TTBK2: variants seen among roughly 807,000 people sequenced by gnomAD.
The protein encoded by TTBK2 is tau-tubulin kinase 2.
TTBK2 carries 28 observed loss-of-function variants against 110.8 expected under a neutral mutation model. The observed-to-expected ratio is 0.25, with a 90% CI of 0.19 to 0.35. TTBK2 has a LOEUF of 0.35. Among genes scored for constraint, TTBK2 ranks in the 10% least tolerant of loss-of-function variants. The probability of loss-of-function intolerance (pLI) is 1.00; values close to 1 mark genes in which losing one functional copy is unlikely to be tolerated. For missense variants in TTBK2, 1,369 were observed against 1,500.3 expected (o/e 0.91, Z 1.45); for synonymous variants, 532 against 527.3 (o/e 1.01, Z -0.12).
intron 9 of TTBK2, chr15:42,802,055 C>T (rs763815925): frequency 2.0e-6 from 3 of 1,467,280 alleles, no homozygotes; most frequent in Admixed American, 3.3e-5. Context: ...CACTTGGTCT[C>T]AAGCATCTTG....
At chr15:42,909,546 C>T (rs1337723537) in intron 1 of TTBK2, among the ~76,000 whole-genome samples, 2 of 152,108 alleles carry the variant, frequency 1.3e-5, no homozygotes, top group Non-Finnish European at 2.9e-5. Context: ...TCTTCTGCCA[C>T]ATAAGTTAAC....
At chr15:42,909,012 A>G (rs1423481865) in intron 1 of TTBK2, among the ~76,000 whole-genome samples, 4 of 152,226 alleles carry the variant, frequency 2.6e-5, no homozygotes, top group African/African-American at 9.6e-5. Context: ...TAATAGCTCT[A>G]GAGGTCAGAA....
At chr15:42,747,995 AT>A (rs1397512112) in intron 14 of TTBK2, among the ~76,000 whole-genome samples, 1 of 152,256 alleles carries the variant, frequency 6.6e-6, no homozygotes, top group Non-Finnish European at 1.5e-5. Context: ...TTTAAAAAAT[AT>A]TAGGGTTGAA....
chr15:42,822,707 T>C (rs1724359992), intron 6 of TTBK2, among the ~76,000 whole-genome samples: 1 of 152,196 alleles, frequency 6.6e-6, no homozygotes, highest in African/African-American at 2.4e-5. Context: ...ATTCATAAAA[T>C]ATTTTTAAGC....
chr15:42,810,494 A>T (rs1274806939), intron 9 of TTBK2, 120 bp downstream of exon 9: 2 of 1,249,574 alleles, frequency 1.6e-6, no homozygotes, highest in Admixed American at 3.6e-5. Context: ...AGGATGTATT[A>T]AAACAGTCGT....
intron 13 of TTBK2, among the ~76,000 whole-genome samples, chr15:42,763,163 T>TATATATATATATAC (rs1889139896): frequency 2.5e-4 from 3 of 11,806 alleles, no homozygotes; most frequent in Non-Finnish European, 4.7e-4. Context: ...TATACATATA[T>TATATATATATATAC]ATATATATAT....
intron 1 of TTBK2, among the ~76,000 whole-genome samples, chr15:42,900,998 C>T (rs1008532078): frequency 6.6e-6 from 1 of 152,030 alleles, no homozygotes; most frequent in African/African-American, 2.4e-5. Context: ...GGACTCCTAC[C>T]TCATACCATA....
In TTBK2 at chr15:42,851,644, G is replaced by A. The variant is rs908938588; in HGVS notation, c.218-11211C>T. ...TATATACATACATATATAAACATAT[G>A]GATGATTATATATTATTTTAGATAT... On this transcript the variant is annotated intron_variant, in intron 3 of 14. Coordinates refer to ENST00000267890, the MANE Select transcript of TTBK2 (RefSeq NM_173500.4). Among the ~76,000 whole-genome samples, 5 of 151,874 alleles carry A rather than the reference G, an allele frequency of 3.3e-5. No individual in the cohort carries two copies. The South Asian group carries it at 1.0e-3, about 32-fold the overall frequency.
At chr15:42,792,268 A>G (rs1890721249) in intron 10 of TTBK2, among the ~76,000 whole-genome samples, 1 of 152,238 alleles carries the variant, frequency 6.6e-6, no homozygotes, top group Admixed American at 6.5e-5. Context: ...ATCACAACAC[A>G]TTGCATGCAT....
Position 42,742,487 on chromosome 15 carries a change from C to T in TTBK2, c.*3308G>A, listed in dbSNP as rs949084182. On this transcript the variant is annotated 3_prime_UTR_variant, in exon 15 of 15. Coordinates refer to ENST00000267890, the MANE Select transcript of TTBK2 (RefSeq NM_173500.4). ...AACGCCTCTACGCTGTGCAAGAAAT[C>T]ACTATGTGTGATTTTACTATTTCAA... 3.3e-5 allele frequency: 5 copies of T among 152,204 alleles called. No homozygotes were observed. The highest frequency in any genetic ancestry group is 9.7e-5 in the African/African-American group (4 of 41,444). The allele number at this position is 152,204 out of a possible 1,614,324, so 9.4% of individuals were successfully genotyped here.
intron 14 of TTBK2, among the ~76,000 whole-genome samples, chr15:42,746,822 TTTAATAA>T: frequency 6.6e-6 from 1 of 152,232 alleles, no homozygotes; most frequent in East Asian, 1.9e-4. Flanking sequence ...ATTCAACTCA[TTTAATAA>T]TTTACAAGAG....
chr15:42,746,345 T>G, intron 14 of TTBK2, 88 bp from the exon 15 acceptor site: 5 of 1,035,782 alleles, frequency 4.8e-6, no homozygotes, highest in Non-Finnish European at 7.1e-6. Flanking sequence ...ATAATGTGAA[T>G]GTGTAGAAAT....
At chr15:42,801,657 A>T in intron 9 of TTBK2, 1 of 885,330 alleles carries the variant, frequency 1.1e-6, no homozygotes, top group South Asian at 1.3e-5. Context: ...ATGTCCAGGA[A>T]GCGGCTGTTG....
chr15:42,893,667 G>GAA (rs55859623), intron 1 of TTBK2, among the ~76,000 whole-genome samples: 5 of 144,916 alleles, frequency 3.5e-5, no homozygotes, highest in Admixed American at 1.4e-4. Flanking sequence ...AAACGTCATA[G>GAA]AAAAAAAAAA....
intron 6 of TTBK2, among the ~76,000 whole-genome samples, chr15:42,821,599 C>A (rs1892298115): frequency 1.3e-5 from 2 of 152,266 alleles, no homozygotes; most frequent in South Asian, 4.1e-4. Flanking sequence ...TGATTTCTGT[C>A]CCTTGTCAGC....
intron 1 of TTBK2, among the ~76,000 whole-genome samples, chr15:42,882,972 A>G (rs1000575131): frequency 1.3e-5 from 2 of 152,242 alleles, no homozygotes; most frequent in Admixed American, 6.5e-5. Context: ...CCAGGGAAGT[A>G]TAAGAGCCTG....
At chr15:42,912,299 A>G (rs1034224517) in intron 1 of TTBK2, among the ~76,000 whole-genome samples, 3 of 152,152 alleles carry the variant, frequency 2.0e-5, no homozygotes, top group Non-Finnish European at 4.4e-5. Flanking sequence ...CATTTAGAAG[A>G]CTATTACCAT....
chr15:42,849,440 C>G (rs1208045898), intron 3 of TTBK2, among the ~76,000 whole-genome samples: 1 of 152,118 alleles, frequency 6.6e-6, no homozygotes, highest in Non-Finnish European at 1.5e-5. Context: ...TCTGTATGAT[C>G]CTAGCATTGG....
At position 42,873,785 on chromosome 15, in the gene TTBK2, A is replaced by G. The variant is rs963128979; in HGVS notation, c.70-1027T>C. Among the ~76,000 whole-genome samples, 4 of 152,056 alleles carry G rather than the reference A, an allele frequency of 2.6e-5. No homozygotes were observed. In the South Asian group the frequency reaches 8.3e-4, roughly 32 times the overall value. On this transcript the variant is annotated intron_variant, in intron 2 of 14. Transcript: ENST00000267890. ...TAGATACTTCAAGCTAGATACAGCA[A>G]TTTTTTTCCATTTCCTGAAACTAGG...
Sources: allele counts gnomAD v4.1 joint callset (sites outside exome capture counted in the v4.1 genomes callset), GRCh38; gene constraint gnomAD v4.1.1; transcripts MANE v1.5; gene names NCBI Gene and HGNC (gene_info 2026-07-23, HGNC 2026-07-21).